The following ZCWPW2 variants were observed in gnomAD, a reference collection of about 807,000 sequenced individuals.
The protein encoded by ZCWPW2 is zinc finger CW-type PWWP domain protein 2.
In ZCWPW2, 45 loss-of-function variants were observed where a neutral mutation model predicts 46.6. That is an observed-to-expected ratio of 0.96 (90% CI 0.76 to 1.24). The LOEUF (loss-of-function observed/expected upper bound fraction) is 1.24. Ranked by LOEUF, ZCWPW2 falls within the 50% of genes most tolerant of loss-of-function variation. The pLI is 0.00. For missense variants in ZCWPW2, 429 were observed against 403.9 expected (o/e 1.06, Z -0.53); for synonymous variants, 152 against 137.1 (o/e 1.11, Z -0.76).
chr3:28,460,060 C>T (rs1210777436), intron 4 of ZCWPW2, among the ~76,000 whole-genome samples: 1 of 152,028 alleles, frequency 6.6e-6, no homozygotes, highest in African/African-American at 2.4e-5. Flanking sequence ...GCAGGGAGTA[C>T]CCAGTTAGGA....
chr3:28,412,879 T>C (rs562525864), intron 2 of ZCWPW2, among the ~76,000 whole-genome samples, 177 bp from the exon 3 acceptor site: 1 of 152,202 alleles, frequency 6.6e-6, no homozygotes, highest in East Asian at 1.9e-4. Flanking sequence ...TTCTATTTTG[T>C]TCCTTTATTT....
At chr3:28,437,387 A>C (rs535185263) in intron 4 of ZCWPW2, among the ~76,000 whole-genome samples, 1 of 152,340 alleles carries the variant, frequency 6.6e-6, no homozygotes. Flanking sequence ...TATATTTTTC[A>C]GTGCATATGT....
intron 4 of ZCWPW2, among the ~76,000 whole-genome samples, chr3:28,438,670 G>T (rs1697595103): frequency 6.6e-6 from 1 of 151,714 alleles, no homozygotes; most frequent in Admixed American, 6.6e-5. Context: ...CTCATTTAAA[G>T]GAAAAAAAAT....
chr3:28,388,404 G>T (rs545462046), intron 1 of ZCWPW2, among the ~76,000 whole-genome samples: 80 of 152,184 alleles, frequency 5.3e-4, no homozygotes, highest in African/African-American at 1.9e-3. Context: ...TAACAAGATC[G>T]TACTTTTGCC....
At chr3:28,390,664 A>G in intron 2 of ZCWPW2, 47 bp downstream of exon 2, 2 of 984,348 alleles carry the variant, frequency 2.0e-6, no homozygotes, top group Middle Eastern at 5.2e-4. Flanking sequence ...GTACATAAGC[A>G]TTTTTATTCC....
chr3:28,479,014 A>C lies in ZCWPW2; in HGVS notation c.610+83A>C, dbSNP rs1699333051. ...TTCCAAAATATGTTTGCTCATTCAA[A>C]AATCTCTATCTCTTTCTCTTCATAG... On this transcript the variant is annotated intron_variant, in intron 5 of 9. Transcript: ENST00000383768. The C allele has an allele frequency of 1.0e-5, 9 of 860,350 alleles. No homozygotes were observed. In the South Asian group the frequency reaches 1.6e-4, roughly 16 times the overall value. The allele number at this position is 860,350 out of a possible 1,614,324, so 53.3% of individuals were successfully genotyped here. A position where few individuals can be genotyped will look rare whatever the true frequency, so the allele number is the denominator to read the frequency against.
At chr3:28,453,795 GTATATTTA>G (rs1698315250) in intron 4 of ZCWPW2, among the ~76,000 whole-genome samples, 1 of 142,898 alleles carries the variant, frequency 7.0e-6, no homozygotes, top group Non-Finnish European at 1.5e-5. Context: ...TTATAATTGT[GTATATTTA>G]TTTATTTATT....
chr3:28,397,309 ATAT>A (rs1174355150), intron 2 of ZCWPW2, among the ~76,000 whole-genome samples: 1 of 152,180 alleles, frequency 6.6e-6, no homozygotes, highest in Non-Finnish European at 1.5e-5. Context: ...AAACTATGTA[ATAT>A]TTTAATTCAG....
chr3:28,505,582 A>C (rs1383318180), intron 6 of ZCWPW2, among the ~76,000 whole-genome samples: 1 of 152,196 alleles, frequency 6.6e-6, no homozygotes, highest in Non-Finnish European at 1.5e-5. Flanking sequence ...ATTAAGTAAT[A>C]ACCATCATTT....
intron 4 of ZCWPW2, among the ~76,000 whole-genome samples, chr3:28,456,313 T>C (rs371511586): frequency 6.6e-6 from 1 of 152,210 alleles, no homozygotes; most frequent in South Asian, 2.1e-4. Context: ...CTAGCAATTT[T>C]TGCATATTGA....
At chr3:28,443,312 C>T (rs952057321) in intron 4 of ZCWPW2, among the ~76,000 whole-genome samples, 6 of 152,156 alleles carry the variant, frequency 3.9e-5, no homozygotes, top group African/African-American at 1.4e-4. Flanking sequence ...AAGAAAGGTT[C>T]ACTGCATAAA....
intron 4 of ZCWPW2, among the ~76,000 whole-genome samples, chr3:28,466,317 T>C (rs974780743): frequency 1.3e-5 from 2 of 151,966 alleles, no homozygotes; most frequent in Non-Finnish European, 2.9e-5. Context: ...GACCTGAACA[T>C]GTGCCCCCTG....
At chr3:28,373,076 G>A (rs574020691) in intron 1 of ZCWPW2, among the ~76,000 whole-genome samples, 4 of 152,132 alleles carry the variant, frequency 2.6e-5, no homozygotes, top group African/African-American at 9.7e-5. Context: ...GACACTTAGG[G>A]TGATTCCATA....
chr3:28,376,561 A>G (rs1462969776), intron 1 of ZCWPW2, among the ~76,000 whole-genome samples: 2 of 152,142 alleles, frequency 1.3e-5, no homozygotes, highest in African/African-American at 4.8e-5. Flanking sequence ...GAGGAGTGTC[A>G]TGAACATAGA....
At chr3:28,362,084 G>T (rs182603569) in intron 1 of ZCWPW2, among the ~76,000 whole-genome samples, 36 of 152,232 alleles carry the variant, frequency 2.4e-4, no homozygotes, top group African/African-American at 7.9e-4. Flanking sequence ...CGTGTTCATT[G>T]CAGTCGCTCA....
intron 4 of ZCWPW2, among the ~76,000 whole-genome samples, chr3:28,436,607 A>C (rs941250836): frequency 2.0e-5 from 3 of 151,998 alleles, no homozygotes. Context: ...TATAGTAAAA[A>C]CTATGTATTT....
intron 2 of ZCWPW2, among the ~76,000 whole-genome samples, chr3:28,402,277 A>T (rs1338025205): frequency 1.3e-5 from 2 of 152,212 alleles, no homozygotes; most frequent in African/African-American, 4.8e-5. Flanking sequence ...ACAAAATATC[A>T]TTCAAGGCTA....
intron 3 of ZCWPW2, among the ~76,000 whole-genome samples, chr3:28,420,924 T>C (rs959601975): frequency 6.6e-6 from 1 of 152,258 alleles, no homozygotes; most frequent in African/African-American, 2.4e-5. Flanking sequence ...TCATGCTGTA[T>C]TGAAAGTATC....
At chr3:28,414,215 A>G (rs1010758378) in intron 3 of ZCWPW2, among the ~76,000 whole-genome samples, 2 of 149,138 alleles carry the variant, frequency 1.3e-5, no homozygotes, top group African/African-American at 4.9e-5. Flanking sequence ...TATAAATTTA[A>G]TTTTTTTTCT....
Sources: gnomAD v4.1 joint callset for allele counts (sites outside exome capture counted in the v4.1 genomes callset) on GRCh38, gnomAD v4.1.1 for gene constraint, MANE v1.5 for transcripts, NCBI Gene and HGNC (gene_info 2026-07-23, HGNC 2026-07-21) for gene names.